Variants in PCDH15 observed in about 807,000 individuals in gnomAD.
The protein encoded by PCDH15 is protocadherin related 15.
Under a neutral mutation model 178.5 loss-of-function variants are expected in PCDH15, and 129 were observed. That is an observed-to-expected ratio of 0.72 (90% CI 0.63 to 0.84). The LOEUF is 0.84. Among genes scored for constraint, PCDH15 ranks in the 40% least tolerant of loss-of-function variants. The pLI is 0.00. For missense variants in PCDH15, 2,230 were observed against 2,099.9 expected, an observed-to-expected ratio of 1.06 and a Z score of -1.21; for synonymous variants, 800 against 732.0, an observed-to-expected ratio of 1.09 and a Z score of -1.50.
chr10:55,379,705 G>A (rs2131999570), intron 2 of PCDH15, among the ~76,000 whole-genome samples: 1 of 152,068 alleles, frequency 6.6e-6, no homozygotes, highest in African/African-American at 2.4e-5. Context: ...CACATACATA[G>A]TATTTCATTT....
intron 2 of PCDH15, among the ~76,000 whole-genome samples, chr10:54,559,837 G>A (rs1441055202): frequency 1.8e-5 from 2 of 112,824 alleles, no homozygotes; most frequent in African/African-American, 3.4e-5. Context: ...TGACATCTTG[G>A]TTTGTCTTAT....
At chr10:55,088,219 A>G (rs985957208) in intron 2 of PCDH15, among the ~76,000 whole-genome samples, 3 of 152,014 alleles carry the variant, frequency 2.0e-5, no homozygotes, top group African/African-American at 7.2e-5. Context: ...ACATTTTATT[A>G]TTATACAAGT....
intron 21 of PCDH15, among the ~76,000 whole-genome samples, chr10:53,993,095 AT>A: frequency 6.6e-6 from 1 of 152,354 alleles, no homozygotes; most frequent in Admixed American, 6.5e-5. Flanking sequence ...GAAAATTATT[AT>A]TGCTTAATAA....
At chr10:54,067,456 G>A (rs72794986) in intron 17 of PCDH15, among the ~76,000 whole-genome samples, 1,729 of 152,230 alleles carry the variant, frequency 0.011, 15 homozygotes, top group South Asian at 0.027. Flanking sequence ...TACAGCTTAC[G>A]GAAATGGTAT....
chr10:55,302,771 T>C (rs998254608), intron 1 of PCDH15, among the ~76,000 whole-genome samples: 11 of 152,150 alleles, frequency 7.2e-5, no homozygotes, highest in Non-Finnish European at 1.6e-4. Flanking sequence ...AAATATAAAA[T>C]TAAACATCAA....
At chr10:54,680,032 C>T (rs1325503137) in intron 1 of PCDH15, among the ~76,000 whole-genome samples, 1 of 152,096 alleles carries the variant, frequency 6.6e-6, no homozygotes, top group African/African-American at 2.4e-5. Flanking sequence ...CTAATCAAAG[C>T]ATTTATTATT....
At chr10:55,058,098 G>C (rs1841348179) in intron 2 of PCDH15, among the ~76,000 whole-genome samples, 1 of 152,074 alleles carries the variant, frequency 6.6e-6, no homozygotes, top group South Asian at 2.1e-4. Flanking sequence ...TATTTAAAAA[G>C]ATGCTAGATA....
intron 2 of PCDH15, among the ~76,000 whole-genome samples, chr10:55,467,527 A>G (rs1028946732): frequency 2.0e-5 from 3 of 152,136 alleles, no homozygotes; most frequent in African/African-American, 7.2e-5. Context: ...CATGGGATGG[A>G]TGTTAGCCAT....
intron 32 of PCDH15, chr10:53,823,363 A>T (rs1372668284): frequency 6.2e-7 from 1 of 1,610,452 alleles, no homozygotes; most frequent in East Asian, 2.2e-5. Context: ...AAAAGACTTG[A>T]AAGAAAAGAA....
chr10:55,089,707 G>A (rs980035740), intron 2 of PCDH15, among the ~76,000 whole-genome samples: 1 of 152,048 alleles, frequency 6.6e-6, no homozygotes, highest in African/African-American at 2.4e-5. Context: ...AATATTTAGA[G>A]AACACACATC....
rs2091800436 is a variant in PCDH15 at position 53,995,679 on chromosome 10, T to C, written c.2838A>G (p.Thr946=). 1.2e-6 allele frequency: 2 copies of C among 1,613,978 alleles called. No individual in the cohort carries two copies. The highest frequency in any genetic ancestry group is 1.7e-6 in the Non-Finnish European group (2 of 1,179,854). The change falls in exon 21 of 38, where the codon ACA becomes ACG. Residue 946 remains threonine (T), a synonymous_variant. Coordinates refer to ENST00000644397, the MANE Select transcript of PCDH15 (RefSeq NM_001384140.1). Reference sequence around the variant, plus strand: ...GGTCTGCATCTTCAGCATAAACTGTTGTGATAGGTGTACCCTTGACTGCAT... The same window carrying C: ...GGTCTGCATCTTCAGCATAAACTGTCGTGATAGGTGTACCCTTGACTGCAT... ...APDAVKGTPI[T]TVYAEDADPP... is the part of the protein sequence containing the mutation.
intron 1 of PCDH15, among the ~76,000 whole-genome samples, chr10:54,690,622 T>C (rs1304333014): frequency 6.6e-6 from 1 of 152,152 alleles, no homozygotes; most frequent in Non-Finnish European, 1.5e-5. Flanking sequence ...CACAAGACTA[T>C]ATTTTTTATA....
intron 2 of PCDH15, among the ~76,000 whole-genome samples, chr10:54,622,520 C>A (rs1310861196): frequency 9.9e-6 from 1 of 100,554 alleles, no homozygotes; most frequent in Non-Finnish European, 2.2e-5. Flanking sequence ...TTAAATATTT[C>A]TTCTCATTAT....
chr10:55,334,242 A>ATATATATATATG lies in PCDH15; in HGVS notation c.-155-167592_-155-167591insCATATATATATA, dbSNP rs1291195941. 1.6e-3 allele frequency among the ~76,000 whole-genome samples: 118 copies of ATATATATATATG among 72,138 alleles called. 2 individuals are homozygous for ATATATATATATG. The highest frequency in any genetic ancestry group is 1.0e-2 in the African/African-American group (105 of 10,506). The allele number at this position is 72,138 out of a possible 152,430, so 47.3% of individuals were successfully genotyped here. A position where few individuals can be genotyped will look rare whatever the true frequency, so the allele number is the denominator to read the frequency against. On this transcript the variant is annotated intron_variant, in intron 2 of 5. Coordinates refer to the PCDH15 transcript ENST00000613346. Reference sequence around the variant, plus strand: ...GCTCCATATATATATATATATATATATGTGTGTGTGTGTGTGTGTGTGTGT... The same window carrying ATATATATATATG: ...GCTCCATATATATATATATATATATATATATATATATGTGTGTGTGTGTGTGTGTGTGTGTGT...
intron 32 of PCDH15, chr10:53,822,037 C>T (rs2099201691): frequency 3.1e-6 from 5 of 1,614,006 alleles, no homozygotes; most frequent in Non-Finnish European, 4.2e-6. Context: ...TACATGTTAG[C>T]TACTGATTTT....
chr10:53,987,454 T>C (rs2091185548), intron 21 of PCDH15, among the ~76,000 whole-genome samples: 1 of 152,116 alleles, frequency 6.6e-6, no homozygotes. Context: ...ACGTCATACA[T>C]AGGTTTAAAT....
rs1412015131 is a variant in PCDH15 at position 54,104,827 on chromosome 10, A to C, written c.1918-14764T>G. On this transcript the variant is annotated intron_variant, in intron 15 of 37. Coordinates refer to ENST00000644397, the MANE Select transcript of PCDH15 (RefSeq NM_001384140.1). The stretch of plus-strand genomic sequence containing the variant: ...ACTCCAGCCTGGCTGAGAGAGTGAG[A>C]CTCTGCCTCAACAACAACAAAAAAA... 4.0e-5 allele frequency among the ~76,000 whole-genome samples: 5 copies of C among 126,226 alleles called. No individual in the cohort carries two copies. In the Admixed American group the frequency reaches 4.5e-4, roughly 11 times the overall value. 82.8% of individuals were successfully genotyped at this position (126,226 alleles called of 152,430 possible).
intron 2 of PCDH15, among the ~76,000 whole-genome samples, chr10:55,473,599 G>T (rs547498001): frequency 2.7e-4 from 41 of 152,062 alleles, no homozygotes; most frequent in Non-Finnish European, 2.9e-4. Context: ...TATTCACATA[G>T]AACAGCTTTT....
At position 54,889,119 on chromosome 10, in the gene PCDH15, C is replaced by T. The variant is rs1954414964; in HGVS notation, c.-29+8331G>A. 2.0e-5 allele frequency among the ~76,000 whole-genome samples: 3 copies of T among 151,620 alleles called. No individual in the cohort carries two copies. The South Asian group carries it at 6.2e-4, about 32-fold the overall frequency. ...TGGCTCATTGAAGAATTGATGACTC[C>T]CAAAATTTAAGAACCTCCTATTTTT... is the stretch of plus-strand genomic sequence containing the variant. On this transcript the variant is annotated intron_variant, in intron 3 of 5. Coordinates refer to the PCDH15 transcript ENST00000458638.
Sources: allele counts gnomAD v4.1 joint callset (sites outside exome capture counted in the v4.1 genomes callset), GRCh38; gene constraint gnomAD v4.1.1; transcripts MANE v1.5; gene names NCBI Gene and HGNC (gene_info 2026-07-23, HGNC 2026-07-21).